CNTN1: variants seen among roughly 807,000 people sequenced by gnomAD.
CNTN1 encodes contactin 1, also known as contactin-1.
CNTN1 carries 38 observed loss-of-function variants against 126.4 expected under a neutral mutation model. That is an observed-to-expected ratio of 0.30 (90% CI 0.23 to 0.39). The LOEUF (loss-of-function observed/expected upper bound fraction) is 0.39, where lower values mean the gene tolerates loss of function less well. CNTN1 is among the 10% of genes least tolerant of loss of function. The pLI is 1.00. For missense variants in CNTN1, 1,009 were observed against 1,248.4 expected (o/e 0.81, Z 2.89); for synonymous variants, 413 against 422.6 (o/e 0.98, Z 0.28).
intron 5 of CNTN1, among the ~76,000 whole-genome samples, chr12:40,923,943 A>G (rs1352519015): frequency 6.6e-6 from 1 of 152,224 alleles, no homozygotes; most frequent in Non-Finnish European, 1.5e-5. Flanking sequence ...GAGTATCAGT[A>G]AAACAAATGA....
At chr12:40,997,839 A>G (rs747609460) in intron 17 of CNTN1, among the ~76,000 whole-genome samples, 4 of 152,176 alleles carry the variant, frequency 2.6e-5, no homozygotes, top group Non-Finnish European at 4.4e-5. Context: ...CATTCAGCAA[A>G]CTTTTATATT....
intron 18 of CNTN1, 66 bp from the exon 19 acceptor site, chr12:41,016,616 C>G (rs945080545): frequency 1.0e-6 from 1 of 982,714 alleles, no homozygotes; most frequent in African/African-American, 1.6e-5. Flanking sequence ...TGTCATTATC[C>G]CCATAGCATT....
At chr12:40,863,988 GCTTCC>G (rs1412540085) in intron 1 of CNTN1, among the ~76,000 whole-genome samples, 31 of 98,216 alleles carry the variant, frequency 3.2e-4, no homozygotes, top group Admixed American at 1.7e-3. Context: ...TTCTCCTTCT[GCTTCC>G]CTTCCCTTCC....
At chr12:40,792,614 T>C (rs1203268247) in intron 1 of CNTN1, among the ~76,000 whole-genome samples, 2 of 151,962 alleles carry the variant, frequency 1.3e-5, no homozygotes, top group African/African-American at 4.8e-5. Flanking sequence ...GTGGAAAAAA[T>C]AAATTCTTGA....
rs533775293 is a variant in CNTN1, at chr12:40,963,890, GA to G, written c.1804+4657del. ...CTAAAAGAGTGTCATTTAGAGGCAA[GA>G]GTTTTGCAGGATTTATACAGCAAGA... is the stretch of plus-strand genomic sequence containing the variant. On this transcript the variant is annotated intron_variant, in intron 15 of 23. Transcript: ENST00000551295. Among the ~76,000 whole-genome samples the G allele has an allele frequency of 2.8e-3, 432 of 152,212 alleles. 1 individual carries two copies. The highest frequency in any genetic ancestry group is 9.8e-3 in the African/African-American group (409 of 41,562).
At chr12:40,952,557 C>CT (rs1308476483) in intron 14 of CNTN1, among the ~76,000 whole-genome samples, 1 of 151,860 alleles carries the variant, frequency 6.6e-6, no homozygotes, top group Non-Finnish European at 1.5e-5. Flanking sequence ...AATAGCGACA[C>CT]TAGTAATATT....
At chr12:40,860,041 C>A (rs1190534180) in intron 1 of CNTN1, among the ~76,000 whole-genome samples, 1 of 152,104 alleles carries the variant, frequency 6.6e-6, no homozygotes, top group Non-Finnish European at 1.5e-5. Flanking sequence ...TTGAAGTCTT[C>A]ACCTGTTACA....
rs145815534 is a variant in CNTN1 at position 40,849,245 on chromosome 12, T to C, written c.-76-59112T>C. Among the ~76,000 whole-genome samples the C allele has an allele frequency of 7.1e-4, 108 of 152,224 alleles. No individual in the cohort carries two copies. In the East Asian group the frequency reaches 9.6e-3, roughly 14 times the overall value. On this transcript the variant is annotated intron_variant, in intron 1 of 23. Transcript: ENST00000551295. ...GAACTGCTTATAATCTTTACACTTA[T>C]TTAAAAAAGGTGTAAAGACCAAGAA...
intron 15 of CNTN1, among the ~76,000 whole-genome samples, chr12:40,977,778 TTTGTTTTG>T (rs1402396376): frequency 5.9e-4 from 16 of 27,322 alleles, no homozygotes; most frequent in Admixed American, 1.8e-3. Context: ...TTTGTTTTGT[TTTGTTTTG>T]TTTTGTTTTG....
At chr12:41,038,354 A>G (rs994239334) in intron 23 of CNTN1, among the ~76,000 whole-genome samples, 2 of 151,840 alleles carry the variant, frequency 1.3e-5, no homozygotes, top group Non-Finnish European at 2.9e-5. Flanking sequence ...CATTTTCTCA[A>G]TTTTGGGGGC....
chr12:40,741,594 T>C (rs940411109), intron 1 of CNTN1, among the ~76,000 whole-genome samples: 2 of 152,096 alleles, frequency 1.3e-5, no homozygotes, highest in Non-Finnish European at 2.9e-5. Context: ...TTGCACCGGA[T>C]ATTATAAATA....
intron 1 of CNTN1, among the ~76,000 whole-genome samples, chr12:40,716,411 C>T (rs1942050773): frequency 1.3e-5 from 2 of 151,488 alleles, no homozygotes; most frequent in African/African-American, 4.9e-5. Context: ...TTCTCCTTCT[C>T]CTCCTTTATT....
At chr12:40,830,832 T>TATACAC (rs1269211034) in intron 1 of CNTN1, among the ~76,000 whole-genome samples, 1 of 88,698 alleles carries the variant, frequency 1.1e-5, no homozygotes, top group East Asian at 3.8e-4. Context: ...TATATATATA[T>TATACAC]ATACTCTTTA....
At chr12:41,048,666 A>G (rs868378998) in intron 23 of CNTN1, among the ~76,000 whole-genome samples, 1 of 151,938 alleles carries the variant, frequency 6.6e-6, no homozygotes. Context: ...TTAAGGGGGG[A>G]AAATACAAAT....
intron 17 of CNTN1, among the ~76,000 whole-genome samples, chr12:41,001,591 C>T (rs1948362023): frequency 1.3e-5 from 2 of 152,108 alleles, no homozygotes; most frequent in East Asian, 1.9e-4. Context: ...TGCAGAAGCT[C>T]TTTAGTTTAA....
chr12:40,694,259 T>A (rs1186152313), intron 1 of CNTN1, among the ~76,000 whole-genome samples: 2 of 152,234 alleles, frequency 1.3e-5, no homozygotes, highest in East Asian at 1.9e-4. Flanking sequence ...AGATTTTACA[T>A]GTGGACCTGA....
chr12:41,025,439 C>A, intron 21 of CNTN1, 103 bp downstream of exon 21: 3 of 1,114,058 alleles, frequency 2.7e-6, no homozygotes, highest in South Asian at 2.5e-5. Context: ...TACCTGAGCA[C>A]ATTTTTCAAT....
At chr12:40,833,790 T>G (rs895074903) in intron 1 of CNTN1, among the ~76,000 whole-genome samples, 1 of 152,210 alleles carries the variant, frequency 6.6e-6, no homozygotes, top group Non-Finnish European at 1.5e-5. Flanking sequence ...TTCCTGAGAT[T>G]GCTTTAATTT....
At chr12:40,888,557 C>G (rs1199113051) in intron 1 of CNTN1, among the ~76,000 whole-genome samples, 1 of 152,074 alleles carries the variant, frequency 6.6e-6, no homozygotes, top group Non-Finnish European at 1.5e-5. Flanking sequence ...ATATGGTTTA[C>G]AATCTTAACT....
Sources: allele counts gnomAD v4.1 joint callset (sites outside exome capture counted in the v4.1 genomes callset), GRCh38; gene constraint gnomAD v4.1.1; transcripts MANE v1.5; gene names NCBI Gene and HGNC (gene_info 2026-07-23, HGNC 2026-07-21).